RGS22: variants seen among roughly 807,000 people sequenced by gnomAD.
The protein encoded by RGS22 is regulator of G protein signaling 22.
In RGS22, 148 loss-of-function variants were observed where a neutral mutation model predicts 172.9. The ratio of observed to expected loss-of-function variants is 0.86; its 90% confidence interval spans 0.75 to 0.98. The LOEUF is 0.98. Among genes scored for constraint, RGS22 ranks in the 50% least tolerant of loss-of-function variants. The pLI, the probability that RGS22 is intolerant of heterozygous loss-of-function variation, is 0.00. For synonymous variants in RGS22, 458 were observed against 480.2 expected (o/e 0.95, Z 0.60); for missense variants, 1,347 against 1,440.8 (o/e 0.93, Z 1.05).
intron 23 of RGS22, among the ~76,000 whole-genome samples, chr8:99,969,346 T>G: frequency 6.6e-6 from 1 of 152,100 alleles, no homozygotes; most frequent in Non-Finnish European, 1.5e-5. Flanking sequence ...ATGTGCAAAA[T>G]AATCAGCTAG....
chr8:100,024,119 ACCACGCCCGGC>A (rs1051685204), intron 14 of RGS22: 2 of 152,188 alleles, frequency 1.3e-5, no homozygotes, highest in African/African-American at 4.8e-5. Flanking sequence ...GGCGAGCGCC[ACCACGCCCGGC>A]TAATTTTTGT....
intron 20 of RGS22, among the ~76,000 whole-genome samples, chr8:99,994,946 C>T (rs1055592695): frequency 4.6e-5 from 7 of 152,080 alleles, no homozygotes; most frequent in Admixed American, 3.3e-4. Context: ...GAACAGAGGC[C>T]TCAGAAATAA....
At chr8:99,983,393 G>C (rs1228363258) in intron 21 of RGS22, among the ~76,000 whole-genome samples, 2 of 152,136 alleles carry the variant, frequency 1.3e-5, no homozygotes, top group Non-Finnish European at 2.9e-5. Flanking sequence ...GCTTTCCACA[G>C]TGGCTGGACT....
intron 14 of RGS22, among the ~76,000 whole-genome samples, chr8:100,020,751 T>C (rs911082796): frequency 1.3e-5 from 2 of 152,066 alleles, no homozygotes; most frequent in African/African-American, 4.8e-5. Context: ...ATGATTCAAG[T>C]CCAAAGGCCT....
At chr8:100,018,393 G>A (rs1159535130) in intron 14 of RGS22, among the ~76,000 whole-genome samples, 1 of 150,704 alleles carries the variant, frequency 6.6e-6, no homozygotes, top group Non-Finnish European at 1.5e-5. Context: ...TTGGAGAGCA[G>A]AAAAAAGAAT....
At chr8:99,999,207 G>T in intron 19 of RGS22, 55 bp downstream of exon 19, 56 of 1,376,664 alleles carry the variant, frequency 4.1e-5, no homozygotes, top group Non-Finnish European at 5.3e-5. Context: ...ATGTACATTT[G>T]AAGTTTTCAG....
At chr8:99,966,829 G>A (rs1322555626) in intron 23 of RGS22, among the ~76,000 whole-genome samples, 1 of 152,182 alleles carries the variant, frequency 6.6e-6, no homozygotes, top group Non-Finnish European at 1.5e-5. Context: ...CAGAAGCTCT[G>A]TTCCCATTAA....
chr8:99,984,656 CCTT>C (rs1812885318), intron 21 of RGS22, among the ~76,000 whole-genome samples: 1 of 152,108 alleles, frequency 6.6e-6, no homozygotes, highest in South Asian at 2.1e-4. Context: ...ACTCATTTGT[CCTT>C]CTTCTGATAC....
intron 2 of RGS22, among the ~76,000 whole-genome samples, chr8:100,101,226 T>C (rs1233591514): frequency 6.6e-6 from 1 of 152,122 alleles, no homozygotes; most frequent in Non-Finnish European, 1.5e-5. Context: ...CTTTAAACTT[T>C]CTGAATGTGT....
chr8:100,008,422 CAAG>C lies in RGS22; in HGVS notation c.2311_2313del (p.Leu771del), dbSNP rs770370294. On this transcript the variant is annotated inframe_deletion, in exon 15 of 28. Transcript: ENST00000360863. Reference sequence around the variant, plus strand: ...GATTTTACCATCTTTGTCCATGGCTCAAGAAGGAGGAGAAGGATATATTCCTCT... The same window carrying C: ...GATTTTACCATCTTTGTCCATGGCTCAAGGAGGAGAAGGATATATTCCTCT... 6.2e-7 allele frequency: 1 copy of C among 1,612,826 alleles called. No homozygotes were observed. The highest frequency in any genetic ancestry group is 8.5e-7 in the Non-Finnish European group (1 of 1,179,832).
At chr8:100,074,711 A>C (rs964503010) in intron 4 of RGS22, among the ~76,000 whole-genome samples, 2 of 152,124 alleles carry the variant, frequency 1.3e-5, no homozygotes, top group Non-Finnish European at 2.9e-5. Context: ...ATCATGAATA[A>C]AGCAACTATA....
intron 20 of RGS22, among the ~76,000 whole-genome samples, chr8:99,990,320 G>A (rs1055366579): frequency 9.2e-5 from 14 of 152,202 alleles, no homozygotes; most frequent in Non-Finnish European, 1.3e-4. Flanking sequence ...TCCAAGGGCC[G>A]ATGGGAAGCC....
At chr8:100,000,748 G>A (rs1026729421) in intron 18 of RGS22, among the ~76,000 whole-genome samples, 7 of 152,162 alleles carry the variant, frequency 4.6e-5, no homozygotes, top group African/African-American at 1.7e-4. Flanking sequence ...TGCTTATTGA[G>A]ACACCCAACC....
intron 11 of RGS22, among the ~76,000 whole-genome samples, chr8:100,047,210 G>A (rs1350917821): frequency 1.3e-5 from 2 of 151,996 alleles, no homozygotes; most frequent in African/African-American, 4.8e-5. Context: ...AGAATTAGAG[G>A]GCAATCTTCT....
intron 11 of RGS22, among the ~76,000 whole-genome samples, chr8:100,043,154 G>A (rs1166910972): frequency 6.6e-6 from 1 of 152,160 alleles, no homozygotes; most frequent in Non-Finnish European, 1.5e-5. Context: ...ATTCATCTAA[G>A]CCATTGCTAG....
In RGS22 at chr8:100,039,719, TA is replaced by T. The variant is rs1447504751; in HGVS notation, c.2064+242del. 5.3e-5 allele frequency among the ~76,000 whole-genome samples: 8 copies of T among 152,026 alleles called. No individual in the cohort carries two copies. The East Asian group carries it at 7.7e-4, about 15-fold the overall frequency. On this transcript the variant is annotated intron_variant, in intron 13 of 27. Coordinates refer to ENST00000360863, the MANE Select transcript of RGS22 (RefSeq NM_015668.5). Reference sequence around the variant, plus strand: ...AAAAGTAAGACTGATTTTTTTTTTTTAAATTTTGAAAAACCAACTGGAAATA... The same window carrying T: ...AAAAGTAAGACTGATTTTTTTTTTTTAATTTTGAAAAACCAACTGGAAATA...
At chr8:99,991,541 T>C (rs1421597951) in intron 20 of RGS22, among the ~76,000 whole-genome samples, 1 of 151,922 alleles carries the variant, frequency 6.6e-6, no homozygotes, top group Admixed American at 6.6e-5. Context: ...ATTAATGAAA[T>C]AAAGCAAGAA....
chr8:99,972,731 T>C (rs1482232506), intron 23 of RGS22, among the ~76,000 whole-genome samples: 1 of 152,014 alleles, frequency 6.6e-6, no homozygotes, highest in African/African-American at 2.4e-5. Flanking sequence ...AGAATGGTGA[T>C]CATGAAAAAG....
rs796501482 is a variant in RGS22, at chr8:100,053,112, T to A, written c.1515-136A>T. 21 of 752,374 alleles carry A rather than the reference T, an allele frequency of 2.8e-5. 1 individual carries two copies. In the African/African-American group the frequency reaches 3.2e-4, roughly 11 times the overall value. 46.6% of individuals were successfully genotyped at this position (752,374 alleles called of 1,614,324 possible). On this transcript the variant is annotated intron_variant, in intron 9 of 27. Transcript: ENST00000360863. ...TCTTTTCTAACAACTTTTACTTCTT[T>A]CTCTACTACATAGCCTTGAAAAAAT... is the stretch of plus-strand genomic sequence containing the variant.
Sources: gnomAD v4.1 joint callset for allele counts (sites outside exome capture counted in the v4.1 genomes callset) on GRCh38, gnomAD v4.1.1 for gene constraint, MANE v1.5 for transcripts, NCBI Gene and HGNC (gene_info 2026-07-23, HGNC 2026-07-21) for gene names.